Variants in GIPR observed in about 807,000 individuals in gnomAD.
The protein encoded by GIPR is gastric inhibitory polypeptide receptor.
A neutral mutation model predicts 62.2 loss-of-function variants in GIPR; 74 were observed. The observed-to-expected ratio is 1.19, with a 90% CI of 0.99 to 1.44. GIPR has a LOEUF of 1.44. GIPR is among the 40% of genes most tolerant of loss of function. GIPR has a pLI of 0.00. For missense variants in GIPR, 664 were observed against 611.8 expected (o/e 1.09, Z -0.90); for synonymous variants, 256 against 262.2 (o/e 0.98, Z 0.23).
chr19:45,671,993 T>A (rs969963584), intron 4 of GIPR, among the ~76,000 whole-genome samples: 1 of 131,882 alleles, frequency 7.6e-6, no homozygotes, highest in African/African-American at 2.8e-5. Flanking sequence ...TAACTAGCTA[T>A]GTCGCCTCAG....
Position 45,679,720 on chromosome 19 carries a change from C to T in GIPR, c.1152+1494C>T, listed in dbSNP as rs140823641. Among the ~76,000 whole-genome samples the T allele has an allele frequency of 1.8e-3, 274 of 152,112 alleles. 1 individual carries two copies. Among genetic ancestry groups the T allele is most frequent in the African/African-American group, 6.4e-3 (265 of 41,508 alleles). ...CTCCTGGTCCAAAGCAATCCTCCTG[C>T]TTCAGCCTCCTAAGTGGCTGGGAGC... On this transcript the variant is annotated intron_variant, in intron 12 of 13. Transcript: ENST00000590918.
In GIPR at chr19:45,681,867, G is replaced by A. The variant is rs1050292138; in HGVS notation, c.1333G>A (p.Gly445Ser). ...CCCGGGCGAGGTCCCCACCAGCCGC[G>A]GCTTGTCCTCGGGGACCCTCCCAGG... ...SGPGEVPTSR[G>S]LSSGTLPGPG... is the part of the protein sequence containing the mutation. Residue 445 changes from glycine (G) to serine (S), a missense_variant, in exon 14 of 14, where the codon GGC (glycine) becomes AGC (serine). Transcript: ENST00000590918. The A allele has an allele frequency of 3.9e-6, 6 of 1,554,844 alleles. No individual in the cohort carries two copies. Among genetic ancestry groups the A allele is most frequent in the East Asian group, 2.4e-5 (1 of 41,612 alleles).
chr19:45,671,173 G>C, intron 3 of GIPR, 112 bp from the exon 4 acceptor site: 1 of 754,070 alleles, frequency 1.3e-6, no homozygotes, highest in Non-Finnish European at 2.4e-6. Context: ...TGGTGTGGCC[G>C]GCGGAGAAGC....
rs1375306564 is a variant in GIPR at position 45,683,333 on chromosome 19, A to T, written c.*1398A>T. 6.6e-6 allele frequency: 1 copy of T among 152,246 alleles called. No individual in the cohort carries two copies. The highest frequency in any genetic ancestry group is 1.5e-5 in the Non-Finnish European group (1 of 68,088). The allele number at this position is 152,246 out of a possible 1,614,324, so 9.4% of individuals were successfully genotyped here. Reference sequence around the variant, plus strand: ...AGGCAAGGCAGGCCTCGCAGCTGAAACTTTATATCCAGAGCAGCCAGGGCC... The same window carrying T: ...AGGCAAGGCAGGCCTCGCAGCTGAATCTTTATATCCAGAGCAGCCAGGGCC... On this transcript the variant is annotated 3_prime_UTR_variant, in exon 14 of 14. Coordinates refer to ENST00000590918, the MANE Select transcript of GIPR (RefSeq NM_000164.4).
rs1975485922 is a variant in GIPR, at chr19:45,670,667, G to C, written c.105G>C (p.Leu35=). The C allele has an allele frequency of 6.2e-7, 1 of 1,613,472 alleles. No homozygotes were observed. Among genetic ancestry groups the C allele is most frequent in the South Asian group, 1.1e-5 (1 of 90,950 alleles). ...CTAAGGGGCAGACGGCGGGGGAGCTGTACCAGCGCTGGGAACGGTACCGCA... is the reference window on the plus strand; with the variant it reads ...CTAAGGGGCAGACGGCGGGGGAGCTCTACCAGCGCTGGGAACGGTACCGCA... ...TGSKGQTAGE[L]YQRWERYRRE... Residue 35 remains leucine, a synonymous_variant, in exon 3 of 14, where the codon CTG becomes CTC. Transcript: ENST00000590918.
rs1364507294 is a variant in GIPR, at chr19:45,681,625, T to C, written c.1174T>C (p.Tyr392His). 1.2e-6 allele frequency: 2 copies of C among 1,613,912 alleles called. No individual in the cohort carries two copies. The highest frequency in any genetic ancestry group is 3.3e-5 in the Admixed American group (2 of 60,030). The change falls in exon 13 of 14, where the codon TAC becomes CAC. Residue 392 changes from tyrosine (Y) to histidine (H), a missense_variant. Coordinates refer to ENST00000590918, the MANE Select transcript of GIPR (RefSeq NM_000164.4). Reference protein sequence around the residue: ...SFQGFLVSVLYCFINKEVQSE... With the variant: ...SFQGFLVSVLHCFINKEVQSE... ...GCAGGGCTTCCTGGTCAGCGTCCTC[T>C]ACTGCTTCATCAACAAGGAGGTAGG...
chr19:45,669,234 A>G (rs1338310285), intron 1 of GIPR, among the ~76,000 whole-genome samples: 1 of 152,004 alleles, frequency 6.6e-6, no homozygotes, highest in Non-Finnish European at 1.5e-5. Context: ...AACAACAGTC[A>G]GGGGAGGCCG....
intron 12 of GIPR, 56 bp downstream of exon 12, chr19:45,678,282 G>A: frequency 1.3e-6 from 2 of 1,535,286 alleles, no homozygotes; most frequent in Non-Finnish European, 1.8e-6. Context: ...CCTCCCCAGA[G>A]GGGCACGAAA....
Position 45,672,836 on chromosome 19 carries a change from C to G in GIPR, c.281-15C>G, listed in dbSNP as rs374526928. The G allele has an allele frequency of 4.3e-5, 66 of 1,544,150 alleles. No homozygotes were observed. The highest frequency in any genetic ancestry group is 5.4e-5 in the Non-Finnish European group (60 of 1,116,390). ...TTCTCTGTGTGCCTTAATTCCCTCT[C>G]TTCTTTCCCCACAGTGGCTGCAGGT... On this transcript the variant is annotated splice_polypyrimidine_tract_variant and intron_variant, in intron 4 of 13. Transcript: ENST00000590918.
At position 45,674,812 on chromosome 19, in the gene GIPR, G is replaced by A. The variant is rs1247193840; in HGVS notation, c.619G>A (p.Ala207Thr). Reference sequence around the variant, plus strand: ...CCCCTACCTTGGGGACCAGGCCCTTGCGCTGTGGAACCAGGTGGGCATCCT... The same window carrying A: ...CCCCTACCTTGGGGACCAGGCCCTTACGCTGTGGAACCAGGTGGGCATCCT... ...PGPYLGDQAL[A>T]LWNQALAACR... Residue 207 changes from alanine (A) to threonine (T), a missense_variant, in exon 7 of 14, where the codon GCG becomes ACG. Physicochemically the swap from Ala to Thr is moderately conservative, Grantham distance 58. Coordinates refer to ENST00000590918, the MANE Select transcript of GIPR (RefSeq NM_000164.4). 1.2e-6 allele frequency: 2 copies of A among 1,613,864 alleles called. No individual in the cohort carries two copies. The highest frequency in any genetic ancestry group is 2.2e-5 in the East Asian group (1 of 44,858).
rs1229834430 is a variant in GIPR, at chr19:45,678,240, G to A, written c.1152+14G>A. The A allele has an allele frequency of 1.3e-6, 2 of 1,551,510 alleles. No homozygotes were observed. Among genetic ancestry groups the A allele is most frequent in the African/African-American group, 1.4e-5 (1 of 73,464 alleles). On this transcript the variant is annotated intron_variant, in intron 12 of 13. Coordinates refer to ENST00000590918, the MANE Select transcript of GIPR (RefSeq NM_000164.4). ...AGCTCCTTCCAGGTGCTCAGGCAGGGTGCAGGGGCTCCATCCTTCCACCCA... is the reference window on the plus strand; with the variant it reads ...AGCTCCTTCCAGGTGCTCAGGCAGGATGCAGGGGCTCCATCCTTCCACCCA...
chr19:45,680,404 G>T (rs1396558619), intron 12 of GIPR, among the ~76,000 whole-genome samples: 2 of 151,914 alleles, frequency 1.3e-5, no homozygotes, highest in East Asian at 3.9e-4. Flanking sequence ...GTGCATGCCT[G>T]TAGTCTTAGC....
intron 12 of GIPR, among the ~76,000 whole-genome samples, chr19:45,681,324 G>A (rs1967208932): frequency 1.3e-5 from 2 of 152,022 alleles, no homozygotes; most frequent in African/African-American, 2.4e-5. Context: ...ATGAAACCCC[G>A]TCTCTACTAA....
intron 4 of GIPR, 111 bp downstream of exon 4, chr19:45,671,503 C>T: frequency 1.4e-6 from 1 of 737,590 alleles, no homozygotes; most frequent in Non-Finnish European, 2.4e-6. Context: ...CTCTCCTGCT[C>T]CTCTTTGCCC....
At chr19:45,675,781 G>A (rs947847246) in intron 7 of GIPR, among the ~76,000 whole-genome samples, 2 of 152,056 alleles carry the variant, frequency 1.3e-5, no homozygotes, top group African/African-American at 4.8e-5. Flanking sequence ...CCAGCTACTT[G>A]GGAGGCTGAG....
In GIPR at chr19:45,676,971, C is replaced by G. The variant is rs1380779310; in HGVS notation, c.656C>G (p.Ala219Gly). ...WNQALAACRT[A>G]QIVTQYCVGA... ...TAGGCCCTCGCTGCCTGCCGCACGG[C>G]CCAGATCGTGACCCAGTACTGCGTG... Residue 219 changes from alanine to glycine, a missense_variant, in exon 8 of 14, where the codon GCC becomes GGC. Physicochemically the swap from Ala to Gly is moderately conservative, Grantham distance 60. Coordinates refer to ENST00000590918, the MANE Select transcript of GIPR (RefSeq NM_000164.4). The G allele has an allele frequency of 6.2e-7, 1 of 1,613,980 alleles. No homozygotes were observed. The highest frequency in any genetic ancestry group is 1.3e-5 in the African/African-American group (1 of 74,930).
rs749939491 is a variant in GIPR at position 45,677,782 on chromosome 19, A to G, written c.924+3A>G. On this transcript the variant is annotated splice_donor_region_variant and intron_variant, in intron 10 of 13. Transcript: ENST00000590918. ...CCCCCATCCTCATGACCATCTTGGTAGGATCGGTCCCGCCTCCACCAGGCC... is the reference window on the plus strand; with the variant it reads ...CCCCCATCCTCATGACCATCTTGGTGGGATCGGTCCCGCCTCCACCAGGCC... 1 of 1,612,128 alleles carries G rather than the reference A, an allele frequency of 6.2e-7. No homozygotes were observed. Among genetic ancestry groups the G allele is most frequent in the South Asian group, 1.1e-5 (1 of 91,040 alleles).
Position 45,681,618 on chromosome 19 carries a change from C to G in GIPR, c.1167C>G (p.Ser389Arg), listed in dbSNP as rs529800464. 2.4e-5 allele frequency: 38 copies of G among 1,613,762 alleles called. No individual in the cohort carries two copies. Among genetic ancestry groups the G allele is most frequent in the Non-Finnish European group, 3.1e-5 (37 of 1,179,942 alleles). Residue 389 changes from serine (S) to arginine (R), a missense_variant, in exon 13 of 14, where the codon AGC (serine) becomes AGG (arginine). Ser to Arg is a moderately radical substitution (Grantham distance 110, BLOSUM62 -1). Coordinates refer to ENST00000590918, the MANE Select transcript of GIPR (RefSeq NM_000164.4). ...FLSSFQGFLV[S>R]VLYCFINKEV... The stretch of plus-strand genomic sequence containing the variant: ...CCTCTGGGCAGGGCTTCCTGGTCAG[C>G]GTCCTCTACTGCTTCATCAACAAGG...
At chr19:45,673,794 G>A (rs1030111917) in intron 5 of GIPR, among the ~76,000 whole-genome samples, 6 of 151,942 alleles carry the variant, frequency 3.9e-5, no homozygotes, top group Non-Finnish European at 7.4e-5. Flanking sequence ...GGCCCTGGGG[G>A]GCGAGGCTGC....
Sources: gnomAD v4.1 joint callset for allele counts (sites outside exome capture counted in the v4.1 genomes callset) on GRCh38, gnomAD v4.1.1 for gene constraint, MANE v1.5 for transcripts, NCBI Gene and HGNC (gene_info 2026-07-23, HGNC 2026-07-21) for gene names.